The following DAP variants were observed in gnomAD, a reference collection of about 807,000 sequenced individuals.
The protein encoded by DAP is death-associated protein 1.
DAP carries 8 observed loss-of-function variants against 13.8 expected under a neutral mutation model. That is an observed-to-expected ratio of 0.58 (90% confidence interval 0.34 to 1.05). The LOEUF is 1.05. Among genes scored for constraint, DAP ranks in the 50% least tolerant of loss-of-function variants. The pLI is 0.03. For synonymous variants in DAP, 47 were observed against 47.5 expected, an observed-to-expected ratio of 0.99 and a Z score of 0.04; for missense variants, 106 against 133.2, an observed-to-expected ratio of 0.80 and a Z score of 1.01.
intron 2 of DAP, among the ~76,000 whole-genome samples, chr5:10,686,998 T>C (rs945062741): frequency 2.1e-4 from 32 of 152,284 alleles, no homozygotes; most frequent in Middle Eastern, 3.4e-3. Flanking sequence ...CCAATGCTCA[T>C]TTACCATTCC....
chr5:10,715,932 C>G (rs1323657849), intron 2 of DAP, among the ~76,000 whole-genome samples: 1 of 152,220 alleles, frequency 6.6e-6, no homozygotes, highest in East Asian at 1.9e-4. Context: ...GATAATACAC[C>G]ATGCCTAGAT....
chr5:10,748,201 CT>C lies in DAP; in HGVS notation c.125del (p.Lys42ArgfsTer178). 1 of 1,613,978 alleles carries C rather than the reference CT, an allele frequency of 6.2e-7. No individual in the cohort carries two copies. Among genetic ancestry groups the C allele is most frequent in the Non-Finnish European group, 8.5e-7 (1 of 1,179,824 alleles). On this transcript the variant is annotated frameshift_variant, in exon 2 of 4. Coordinates refer to ENST00000230895, the MANE Select transcript of DAP (RefSeq NM_004394.3). LOFTEE classifies it high-confidence loss of function. ...TGGGGCTTTCCCATTCCTGGTCATC[CT>C]TGTCTTTCTCTTCTTTGGTGTCTCC... ...HTGDTKEEKD[K>X]DDQEWESPSP...
chr5:10,692,172 T>TA (rs1738324514), intron 2 of DAP, among the ~76,000 whole-genome samples: 1 of 152,196 alleles, frequency 6.6e-6, no homozygotes, highest in South Asian at 2.1e-4. Context: ...AGCAACTATT[T>TA]AACTCAATAT....
At chr5:10,754,882 T>G (rs1259840308) in intron 1 of DAP, among the ~76,000 whole-genome samples, 2 of 152,106 alleles carry the variant, frequency 1.3e-5, no homozygotes, top group Non-Finnish European at 2.9e-5. Context: ...TGGGGAAAAG[T>G]GACTTTGGTG....
chr5:10,745,026 A>G (rs1242150399), intron 2 of DAP, among the ~76,000 whole-genome samples: 1 of 152,240 alleles, frequency 6.6e-6, no homozygotes, highest in South Asian at 2.1e-4. Flanking sequence ...GAGCAGTAGC[A>G]CAGATCAAAT....
chr5:10,727,066 G>T (rs1277870858), intron 2 of DAP, among the ~76,000 whole-genome samples: 3 of 152,160 alleles, frequency 2.0e-5, no homozygotes, highest in African/African-American at 7.2e-5. Context: ...GAAGTGGAAG[G>T]GAAACTTCTG....
intron 2 of DAP, among the ~76,000 whole-genome samples, chr5:10,746,333 G>GT (rs558797485): frequency 0.31 from 42,337 of 138,762 alleles, 6,943 homozygotes; most frequent in African/African-American, 0.45. Context: ...TTTTTTTTTT[G>GT]TTTTTTTTTT....
rs376433802 is a variant in DAP at position 10,680,882 on chromosome 5, C to A, written c.*174G>T. ...AGACTCCCCATAAACAAGGTTTGGG[C>A]TGGAGCTGTTTCTAGTTTTAAATAT... On this transcript the variant is annotated 3_prime_UTR_variant, in exon 4 of 4. Transcript: ENST00000230895. The A allele has an allele frequency of 8.5e-6, 13 of 1,536,936 alleles. No individual in the cohort carries two copies. Among genetic ancestry groups the A allele is most frequent in the Middle Eastern group, 3.3e-4 (2 of 6,014 alleles).
chr5:10,684,950 G>C (rs1738118776), intron 2 of DAP, among the ~76,000 whole-genome samples: 1 of 152,202 alleles, frequency 6.6e-6, no homozygotes, highest in Non-Finnish European at 1.5e-5. Context: ...CAGTCCTGCT[G>C]GGTAGAGGGG....
At position 10,754,321 on chromosome 5, in the gene DAP, G is replaced by T. The variant is rs755420; in HGVS notation, c.56-6050C>A. On this transcript the variant is annotated intron_variant, in intron 1 of 3. Coordinates refer to ENST00000230895, the MANE Select transcript of DAP (RefSeq NM_004394.3). ...GTGGAGCCCTTACAGGAGCTTTCAG[G>T]TGTGCATAGATAAGGTAGAAGTAAT... 5.4e-3 allele frequency among the ~76,000 whole-genome samples: 817 copies of T among 152,234 alleles called. 4 individuals carry two copies. Among genetic ancestry groups the T allele is most frequent in the African/African-American group, 0.018 (755 of 41,514 alleles).
intron 2 of DAP, among the ~76,000 whole-genome samples, chr5:10,712,469 G>C (rs1197938053): frequency 6.6e-6 from 1 of 152,180 alleles, no homozygotes; most frequent in African/African-American, 2.4e-5. Context: ...AGGGTATGGA[G>C]GGACTGGGAG....
intron 1 of DAP, among the ~76,000 whole-genome samples, chr5:10,748,597 C>T (rs900292239): frequency 6.6e-6 from 1 of 152,194 alleles, no homozygotes; most frequent in African/African-American, 2.4e-5. Flanking sequence ...GCTTTCAGTT[C>T]TCCACAGTCT....
chr5:10,698,282 C>CAAAAAAAAAAAAAAAAAAAA, intron 2 of DAP, among the ~76,000 whole-genome samples: 1 of 42,904 alleles, frequency 2.3e-5, no homozygotes, highest in Non-Finnish European at 4.5e-5. Flanking sequence ...CCAGACTTAG[C>CAAAAAAAAAAAAAAAAAAAA]AAAAAAAAAA....
chr5:10,700,447 C>CT (rs1185078993), intron 2 of DAP, among the ~76,000 whole-genome samples: 1 of 152,188 alleles, frequency 6.6e-6, no homozygotes, highest in Non-Finnish European at 1.5e-5. Flanking sequence ...CTTTATTCTC[C>CT]TTTTCACATC....
intron 1 of DAP, among the ~76,000 whole-genome samples, chr5:10,756,864 T>A (rs1398248198): frequency 4.6e-5 from 7 of 152,242 alleles, no homozygotes; most frequent in Non-Finnish European, 1.5e-5. Flanking sequence ...AGAAAGAATC[T>A]CGCTAATTCT....
chr5:10,746,321 CGTTTTTTTTT>C (rs879556535), intron 2 of DAP, among the ~76,000 whole-genome samples: 31 of 144,734 alleles, frequency 2.1e-4, no homozygotes, highest in Non-Finnish European at 1.2e-4. Flanking sequence ...ATAATTCTAG[CGTTTTTTTTT>C]TGTTTTTTTT....
At chr5:10,748,079 G>A (rs896450559) in intron 2 of DAP, 96 bp downstream of exon 2, 2 of 883,860 alleles carry the variant, frequency 2.3e-6, no homozygotes, top group Admixed American at 1.9e-5. Flanking sequence ...ACATAGCCCA[G>A]GAGTTATCAG....
chr5:10,744,608 CA>C (rs1411320717), intron 2 of DAP, among the ~76,000 whole-genome samples: 5 of 152,216 alleles, frequency 3.3e-5, no homozygotes, highest in Non-Finnish European at 7.3e-5. Flanking sequence ...CGTGACATAT[CA>C]GGGGCAAGGG....
intron 1 of DAP, among the ~76,000 whole-genome samples, chr5:10,752,012 C>T (rs1431706660): frequency 6.6e-6 from 1 of 152,230 alleles, no homozygotes; most frequent in Non-Finnish European, 1.5e-5. Flanking sequence ...AACTTTTAAA[C>T]TGTAACTCAC....
Sources: gnomAD v4.1 joint callset for allele counts (sites outside exome capture counted in the v4.1 genomes callset) on GRCh38, gnomAD v4.1.1 for gene constraint, MANE v1.5 for transcripts, NCBI Gene and HGNC (gene_info 2026-07-23, HGNC 2026-07-21) for gene names.